Variants in SRBD1 observed in about 807,000 individuals in gnomAD.
SRBD1 encodes S1 RNA binding domain 1, also known as S1 RNA-binding domain-containing protein 1.
A neutral mutation model predicts 115.3 loss-of-function variants in SRBD1; 88 were observed. That is an observed-to-expected ratio of 0.76 (90% CI 0.64 to 0.91). The LOEUF (loss-of-function observed/expected upper bound fraction) is 0.91. Ranked by LOEUF, SRBD1 falls within the 40% of genes least tolerant of loss-of-function variation. The probability of loss-of-function intolerance (pLI) is 0.00; values close to 1 mark genes in which losing one functional copy is unlikely to be tolerated. For missense variants in SRBD1, 1,385 were observed against 1,177.4 expected (o/e 1.18, Z -2.58); for synonymous variants, 509 against 407.7 (o/e 1.25, Z -2.99).
intron 14 of SRBD1, among the ~76,000 whole-genome samples, chr2:45,519,672 T>C (rs745310816): frequency 7.9e-5 from 12 of 152,226 alleles, no homozygotes; most frequent in Non-Finnish European, 1.3e-4. Context: ...CTCAGGCACA[T>C]ACATTATGTG....
chr2:45,506,020 T>C (rs1347154623), intron 14 of SRBD1, among the ~76,000 whole-genome samples: 1 of 152,202 alleles, frequency 6.6e-6, no homozygotes, highest in Non-Finnish European at 1.5e-5. Flanking sequence ...GGCATGATAG[T>C]ATACTTTGTT....
chr2:45,501,245 A>C (rs769776060), intron 14 of SRBD1, among the ~76,000 whole-genome samples: 3 of 152,240 alleles, frequency 2.0e-5, no homozygotes, highest in Non-Finnish European at 2.9e-5. Flanking sequence ...TTGAAACACA[A>C]AACTTTTAAT....
intron 14 of SRBD1, among the ~76,000 whole-genome samples, chr2:45,539,260 A>G (rs1671858948): frequency 6.6e-6 from 1 of 152,150 alleles, no homozygotes; most frequent in African/African-American, 2.4e-5. Context: ...AATGAAGTAT[A>G]TGTGGGAACC....
chr2:45,423,116 A>G (rs1338309088), intron 16 of SRBD1, among the ~76,000 whole-genome samples: 1 of 152,230 alleles, frequency 6.6e-6, no homozygotes, highest in Non-Finnish European at 1.5e-5. Flanking sequence ...AACAATAAAA[A>G]TGACGGACCC....
chr2:45,435,367 T>C (rs555601587), intron 16 of SRBD1, among the ~76,000 whole-genome samples: 19 of 151,962 alleles, frequency 1.3e-4, no homozygotes, highest in South Asian at 4.1e-4. Context: ...AAGCAGGACA[T>C]AGTAATCTTA....
chr2:45,415,666 GGGGAGGGGAGGGGAGGGGAC>G (rs1667800091), intron 18 of SRBD1, among the ~76,000 whole-genome samples: 6 of 33,212 alleles, frequency 1.8e-4, no homozygotes, highest in African/African-American at 6.7e-4. Context: ...GGGGAGGGGA[GGGGAGGGGAGGGGAGGGGAC>G]GGGAGAGGAG....
intron 16 of SRBD1, among the ~76,000 whole-genome samples, chr2:45,440,426 T>A (rs1668629722): frequency 6.6e-6 from 1 of 152,204 alleles, no homozygotes; most frequent in African/African-American, 2.4e-5. Context: ...CTTGCCCACA[T>A]ATTTTTCCAA....
At position 45,391,236 on chromosome 2, in the gene SRBD1, T is replaced by G. The variant is rs115956825; in HGVS notation, c.2699-1637A>C. ...AAATCAGAAAATCCTCTGTGTACCA[T>G]GCAAACTTTAACACTTTCATAGCCA... On this transcript the variant is annotated intron_variant, in intron 20 of 20. Transcript: ENST00000263736. Among the ~76,000 whole-genome samples the G allele has an allele frequency of 3.4e-3, 515 of 152,332 alleles. 1 individual carries two copies. The highest frequency in any genetic ancestry group is 5.1e-3 in the Non-Finnish European group (347 of 68,028).
rs185138120 is a variant in SRBD1 at position 45,497,381 on chromosome 2, G to A, written c.1875-9050C>T. 3.8e-3 allele frequency among the ~76,000 whole-genome samples: 575 copies of A among 152,146 alleles called. 10 individuals carry two copies. Among genetic ancestry groups the A allele is most frequent in the African/African-American group, 0.013 (547 of 41,522 alleles). On this transcript the variant is annotated intron_variant, in intron 14 of 20. Coordinates refer to ENST00000263736, the MANE Select transcript of SRBD1 (RefSeq NM_018079.5). ...ACCCTTCCTGCAGTTACAGGAACAG[G>A]GTAGACTGAATGTACATAAACGGTA...
chr2:45,574,545 G>T, intron 8 of SRBD1, 82 bp downstream of exon 8: 2 of 1,276,166 alleles, frequency 1.6e-6, no homozygotes, highest in South Asian at 1.5e-5. Flanking sequence ...AGTTTTTAAT[G>T]AACATTGGTA....
chr2:45,584,254 A>G (rs1673448876), intron 5 of SRBD1, among the ~76,000 whole-genome samples: 1 of 152,244 alleles, frequency 6.6e-6, no homozygotes, highest in African/African-American at 2.4e-5. Flanking sequence ...GCATGACAGT[A>G]ATCTACTGGA....
intron 4 of SRBD1, among the ~76,000 whole-genome samples, chr2:45,594,557 G>C (rs1393297426): frequency 6.6e-6 from 1 of 152,146 alleles, no homozygotes; most frequent in Non-Finnish European, 1.5e-5. Context: ...TTGCAGTTTG[G>C]GAGAAAGGGC....
chr2:45,441,336 G>A (rs1400309143), intron 16 of SRBD1, among the ~76,000 whole-genome samples: 2 of 152,146 alleles, frequency 1.3e-5, no homozygotes, highest in African/African-American at 2.4e-5. Flanking sequence ...GCAAAACTCT[G>A]CCTCCCATAC....
chr2:45,398,816 C>T (rs539131568), intron 19 of SRBD1, among the ~76,000 whole-genome samples: 5 of 152,198 alleles, frequency 3.3e-5, no homozygotes, highest in Admixed American at 1.3e-4. Context: ...AGTGATTATG[C>T]AACTTTCCCT....
intron 16 of SRBD1, among the ~76,000 whole-genome samples, chr2:45,450,950 G>A (rs540336111): frequency 1.7e-4 from 26 of 152,206 alleles, no homozygotes; most frequent in African/African-American, 6.3e-4. Flanking sequence ...CTGCAGGTTT[G>A]AAAAACATTT....
At chr2:45,576,955 C>T (rs1451694108) in intron 7 of SRBD1, among the ~76,000 whole-genome samples, 1 of 152,144 alleles carries the variant, frequency 6.6e-6, no homozygotes, top group African/African-American at 2.4e-5. Context: ...TGTGCTAGAG[C>T]GCTAGAGAAA....
chr2:45,558,745 G>A (rs1304802664), intron 10 of SRBD1, among the ~76,000 whole-genome samples: 2 of 138,224 alleles, frequency 1.4e-5, no homozygotes, highest in East Asian at 2.1e-4. Flanking sequence ...AGGCTGGAGT[G>A]CAATGGCGCA....
chr2:45,507,163 G>C (rs1329808271), intron 14 of SRBD1, among the ~76,000 whole-genome samples: 3 of 152,150 alleles, frequency 2.0e-5, no homozygotes, highest in African/African-American at 7.2e-5. Flanking sequence ...AAATGGAAAA[G>C]CTCTGCATTA....
chr2:45,580,486 C>T (rs1404579468), intron 6 of SRBD1, among the ~76,000 whole-genome samples: 1 of 148,312 alleles, frequency 6.7e-6, no homozygotes, highest in Non-Finnish European at 1.5e-5. Context: ...GCTGGGACTA[C>T]AGGAGCGCAC....
Sources: allele counts gnomAD v4.1 joint callset (sites outside exome capture counted in the v4.1 genomes callset), GRCh38; gene constraint gnomAD v4.1.1; transcripts MANE v1.5; gene names NCBI Gene and HGNC (gene_info 2026-07-23, HGNC 2026-07-21).